The following ZNF469 variants were observed in gnomAD, a reference collection of about 807,000 sequenced individuals.
ZNF469 encodes the protein zinc finger protein 469.
Under a neutral mutation model 1.0 loss-of-function variants are expected in ZNF469, and 1 was observed. That is an observed-to-expected ratio of 1.00 (90% CI 0.35 to 4.73). ZNF469 has a LOEUF of 4.73. Among genes scored for constraint, ZNF469 ranks in the 30% most tolerant of loss-of-function variants. The pLI, the probability that ZNF469 is intolerant of heterozygous loss-of-function variation, is 0.16. For missense variants in ZNF469, 6,100 were observed against 5,356.3 expected (o/e 1.14, Z -4.33); for synonymous variants, 2,703 against 2,363.4 (o/e 1.14, Z -4.17).
intron 1 of ZNF469, among the ~76,000 whole-genome samples, chr16:88,403,538 A>G (rs1904942447): frequency 6.7e-6 from 1 of 148,774 alleles, no homozygotes; most frequent in Non-Finnish European, 1.5e-5. Flanking sequence ...CGGGCCTGTG[A>G]GCTGCCATCG....
At chr16:88,115,056 C>T in the ZNF469 span, among the ~76,000 whole-genome samples, 13 of 152,186 alleles carry the variant, frequency 8.5e-5, no homozygotes, top group Non-Finnish European at 1.5e-4. Flanking sequence ...GGGCAGTGAA[C>T]GGTGGCTCCG....
At chr16:88,190,001 A>C in the ZNF469 span, among the ~76,000 whole-genome samples, 1 of 152,152 alleles carries the variant, frequency 6.6e-6, no homozygotes, top group South Asian at 2.1e-4. Context: ...GATCCTTATC[A>C]CAATTTCCCA....
the ZNF469 span, among the ~76,000 whole-genome samples, chr16:88,199,077 C>T: frequency 2.0e-5 from 3 of 152,186 alleles, no homozygotes; most frequent in South Asian, 4.1e-4. Flanking sequence ...CCAAATGCCA[C>T]CAGGGTTCCC....
At chr16:88,138,134 C>T in the ZNF469 span, among the ~76,000 whole-genome samples, 1 of 152,218 alleles carries the variant, frequency 6.6e-6, no homozygotes, top group Non-Finnish European at 1.5e-5. Context: ...GAAACTATCA[C>T]ATTCTAGAAT....
chr16:88,147,003 G>A, the ZNF469 span, among the ~76,000 whole-genome samples: 3 of 152,104 alleles, frequency 2.0e-5, no homozygotes, highest in African/African-American at 4.8e-5. Context: ...AACAGCCCCA[G>A]AGGCATCCAT....
intron 1 of ZNF469, among the ~76,000 whole-genome samples, chr16:88,415,612 C>T: frequency 6.6e-6 from 1 of 152,226 alleles, no homozygotes; most frequent in East Asian, 1.9e-4. Flanking sequence ...GCCACCCAGA[C>T]AGGATGTCTT....
At chr16:88,411,971 A>G (rs1905179918) in intron 1 of ZNF469, among the ~76,000 whole-genome samples, 1 of 258 alleles carries the variant, frequency 3.9e-3, no homozygotes, top group African/African-American at 0.025. Context: ...GTGGTGTCGC[A>G]CAGCAAGGCC....
the ZNF469 span, among the ~76,000 whole-genome samples, chr16:88,111,503 C>T: frequency 0.066 from 4,854 of 73,000 alleles, 133 homozygotes; most frequent in African/African-American, 0.14. Flanking sequence ...TTTCTTCTGT[C>T]TTTTTGTACC....
intron 1 of ZNF469, among the ~76,000 whole-genome samples, chr16:88,419,640 C>T (rs566446247): frequency 9.1e-4 from 138 of 152,292 alleles, no homozygotes; most frequent in African/African-American, 3.2e-3. Flanking sequence ...CCATGCTGGT[C>T]CCACCCCTTG....
At chr16:88,254,215 A>T in the ZNF469 span, among the ~76,000 whole-genome samples, 1 of 152,204 alleles carries the variant, frequency 6.6e-6, no homozygotes, top group Non-Finnish European at 1.5e-5. Context: ...GTAGAGATTT[A>T]TTTCCTTCCA....
chr16:88,359,095 T>G, the ZNF469 span, among the ~76,000 whole-genome samples: 2 of 152,212 alleles, frequency 1.3e-5, no homozygotes, highest in African/African-American at 4.8e-5. Flanking sequence ...CACACAGCTA[T>G]TCAGAGGATC....
chr16:88,114,603 C>G, the ZNF469 span, among the ~76,000 whole-genome samples: 1 of 152,236 alleles, frequency 6.6e-6, no homozygotes, highest in Non-Finnish European at 1.5e-5. Context: ...AGCCGTGGTT[C>G]TGGTACTGCA....
chr16:88,439,467 C>A lies in ZNF469; in HGVS notation c.*135C>A. On this transcript the variant is annotated 3_prime_UTR_variant, in exon 3 of 3. Transcript: ENST00000565624. ...TGTGCAACTGCTCAGGCCTTGATGT[C>A]AGAGCTGAGGTGGTGATGCTTTGAA... 2 of 984,934 alleles carry A rather than the reference C, an allele frequency of 2.0e-6. No individual in the cohort carries two copies. The highest frequency in any genetic ancestry group is 3.1e-6 in the Non-Finnish European group (2 of 648,838). 61.0% of individuals were successfully genotyped at this position (984,934 alleles called of 1,614,324 possible). A position where few individuals can be genotyped will look rare whatever the true frequency, so the allele number is the denominator to read the frequency against.
In ZNF469 at chr16:88,433,064, T is replaced by C. The variant is rs1906312911; in HGVS notation, c.5594T>C (p.Leu1865Pro). The change falls in exon 3 of 3, where the codon CTG becomes CCG. Residue 1865 changes from leucine to proline, a missense_variant. Transcript: ENST00000565624. Reference sequence around the variant, plus strand: ...TTTGCACCGGCGGGGGCCTCCTCACTGACTGCCCCCCGGGGCAGGGAGGCT... The same window carrying C: ...TTTGCACCGGCGGGGGCCTCCTCACCGACTGCCCCCCGGGGCAGGGAGGCT... Reference protein sequence around the residue: ...NEFAPAGASSLTAPRGREAWL... With the variant: ...NEFAPAGASSPTAPRGREAWL... 4.5e-6 allele frequency: 7 copies of C among 1,550,096 alleles called. No individual in the cohort carries two copies. The highest frequency in any genetic ancestry group is 6.1e-6 in the Non-Finnish European group (7 of 1,146,936).
At chr16:88,132,154 G>T in the ZNF469 span, among the ~76,000 whole-genome samples, 1 of 152,338 alleles carries the variant, frequency 6.6e-6, no homozygotes, top group Non-Finnish European at 1.5e-5. Flanking sequence ...GGCTTCAGGT[G>T]CCTCAGGCTG....
chr16:88,410,270 C>T (rs1485587174), intron 1 of ZNF469, among the ~76,000 whole-genome samples: 3 of 143,790 alleles, frequency 2.1e-5, no homozygotes, highest in South Asian at 2.2e-4. Context: ...ACACAGTTCA[C>T]GGTGACGTCT....
intron 1 of ZNF469, among the ~76,000 whole-genome samples, chr16:88,395,885 G>A (rs1327742004): frequency 1.3e-5 from 2 of 152,222 alleles, no homozygotes; most frequent in Non-Finnish European, 2.9e-5. Flanking sequence ...TGTTTAGACA[G>A]GCCCCATGCC....
intron 2 of ZNF469, among the ~76,000 whole-genome samples, chr16:88,426,184 C>A (rs1287996138): frequency 1.3e-5 from 2 of 152,256 alleles, no homozygotes; most frequent in African/African-American, 4.8e-5. Context: ...GAGAGTGCTC[C>A]AGGCCTGAGG....
Position 88,433,339 on chromosome 16 carries a change from G to T in ZNF469, c.5869G>T (p.Gly1957Cys), listed in dbSNP as rs1210170854. Reference sequence around the variant, plus strand: ...GAAGGTGGCCTGTGGCCCCGCCCAGGGCTCCCCAGGGGGTGTGCAGGTGAC... The same window carrying T: ...GAAGGTGGCCTGTGGCCCCGCCCAGTGCTCCCCAGGGGGTGTGCAGGTGAC... ...GGKVACGPAQGSPGGVQVTTL... is the reference protein window; with the variant it reads ...GGKVACGPAQCSPGGVQVTTL... Residue 1957 changes from glycine (G) to cysteine (C), a missense_variant, in exon 3 of 3, where the codon GGC (glycine) becomes TGC (cysteine). By Grantham distance (159) the Gly-to-Cys change is radical. Coordinates refer to ENST00000565624, the MANE Select transcript of ZNF469 (RefSeq NM_001367624.2). 2 of 1,550,282 alleles carry T rather than the reference G, an allele frequency of 1.3e-6. No individual in the cohort carries two copies. The highest frequency in any genetic ancestry group is 8.7e-7 in the Non-Finnish European group (1 of 1,146,914).
Sources: gnomAD v4.1 joint callset for allele counts (sites outside exome capture counted in the v4.1 genomes callset) on GRCh38, gnomAD v4.1.1 for gene constraint, MANE v1.5 for transcripts, NCBI Gene and HGNC (gene_info 2026-07-23, HGNC 2026-07-21) for gene names.